The following RNF144B variants were observed in gnomAD, a reference collection of about 807,000 sequenced individuals.
RNF144B encodes the protein ring finger protein 144B.
A neutral mutation model predicts 40.2 loss-of-function variants in RNF144B; 25 were observed. The ratio of observed to expected loss-of-function variants is 0.62; its 90% confidence interval spans 0.45 to 0.87. The LOEUF is 0.87. RNF144B is among the 40% of genes least tolerant of loss of function. RNF144B has a pLI of 0.00. For synonymous variants in RNF144B, 145 were observed against 136.3 expected (o/e 1.06, Z -0.44); for missense variants, 365 against 373.7 (o/e 0.98, Z 0.19).
chr6:18,400,415 A>G lies in RNF144B; in HGVS notation c.165+716A>G, dbSNP rs769907980. Among the ~76,000 whole-genome samples the G allele has an allele frequency of 3.9e-5, 6 of 152,206 alleles. No homozygotes were observed. Among genetic ancestry groups the G allele is most frequent in the Non-Finnish European group, 4.4e-5 (3 of 68,030 alleles). ...TTCATATACTTGTTCATCTTCTACA[A>G]TGTACATGATATAAATTGTACTTTG... On this transcript the variant is annotated intron_variant, in intron 2 of 7. Coordinates refer to ENST00000259939, the MANE Select transcript of RNF144B (RefSeq NM_182757.4). This position sits in a 1 kb window ranked among gnomAD's most constrained non-coding sequence, Gnocchi z 5.6.
rs70974744 is a variant in RNF144B at position 18,446,840 on chromosome 6, G to GGTGTGT, written c.331+7125_331+7130dup. ...TAAAGTTTTATTGGTTCTATTTTAG[G>GGTGTGT]GTGTGTGTGTGTGTGTGTGTGTGTG... On this transcript the variant is annotated intron_variant, in intron 4 of 7. Coordinates refer to ENST00000259939, the MANE Select transcript of RNF144B (RefSeq NM_182757.4). The surrounding 1 kb of genome is among the most constrained non-coding windows in gnomAD (Gnocchi z 4.7). Among the ~76,000 whole-genome samples the GGTGTGT allele has an allele frequency of 0.022, 3,261 of 147,974 alleles. 98 individuals carry two copies. The highest frequency in any genetic ancestry group is 0.067 in the African/African-American group (2,682 of 39,986).
chr6:18,394,258 CTG>C (rs1275936249), intron 1 of RNF144B, among the ~76,000 whole-genome samples: 3 of 152,152 alleles, frequency 2.0e-5, no homozygotes, highest in Non-Finnish European at 4.4e-5. Flanking sequence ...AAGGGAATAA[CTG>C]TGTTGATTTT....
intron 1 of RNF144B, among the ~76,000 whole-genome samples, chr6:18,388,318 C>G (rs1181440579): frequency 6.6e-6 from 1 of 152,150 alleles, no homozygotes; most frequent in Non-Finnish European, 1.5e-5. Flanking sequence ...ACAGGACTAT[C>G]TCTGCTCTTC....
In RNF144B at chr6:18,464,017, C is replaced by T. The variant is rs909800947; in HGVS notation, c.771+637C>T. On this transcript the variant is annotated intron_variant, in intron 7 of 7. Transcript: ENST00000259939. The surrounding 1 kb of genome is among the most constrained non-coding windows in gnomAD (Gnocchi z 6.1). The stretch of plus-strand genomic sequence containing the variant: ...TCTCCACCTGGCCCTGTCCTTGACA[C>T]GTGGGGATTATTACAATTCAAGATG... 4.6e-5 allele frequency among the ~76,000 whole-genome samples: 7 copies of T among 152,108 alleles called. No homozygotes were observed. The highest frequency in any genetic ancestry group is 9.7e-5 in the African/African-American group (4 of 41,408).
chr6:18,463,958 C>T (rs893641639), intron 7 of RNF144B, among the ~76,000 whole-genome samples: 3 of 152,122 alleles, frequency 2.0e-5, no homozygotes, highest in Non-Finnish European at 4.4e-5. Context: ...ACCACAAGAA[C>T]GGTATGGGGG....
chr6:18,396,815 A>C, intron 1 of RNF144B: 1 of 985,376 alleles, frequency 1.0e-6, no homozygotes, highest in South Asian at 4.7e-5. Context: ...ACTGGGAGGA[A>C]GGAAAAGGTA....
chr6:18,391,720 T>C (rs1794584485), intron 1 of RNF144B, among the ~76,000 whole-genome samples: 1 of 145,808 alleles, frequency 6.9e-6, no homozygotes, highest in African/African-American at 2.6e-5. Context: ...ACAAAAAAAT[T>C]AGCCAAGCGT....
rs565435643 is a variant in RNF144B, at chr6:18,409,457, ATCTTACCT to A, written c.165+9763_165+9770del. On this transcript the variant is annotated intron_variant, in intron 2 of 7. Coordinates refer to ENST00000259939, the MANE Select transcript of RNF144B (RefSeq NM_182757.4). ...GATCTCTTTGAACATACTTTAACAT[ATCTTACCT>A]TCTTGCCATAGGTATATTAAGAAAT... Among the ~76,000 whole-genome samples, 30 of 149,094 alleles carry A rather than the reference ATCTTACCT, an allele frequency of 2.0e-4. No individual in the cohort carries two copies. In the South Asian group the frequency reaches 6.2e-3, roughly 31 times the overall value.
chr6:18,453,318 T>G (rs1017035120), intron 4 of RNF144B, among the ~76,000 whole-genome samples: 5 of 151,704 alleles, frequency 3.3e-5, no homozygotes, highest in African/African-American at 1.2e-4. Context: ...TTTGTATTTT[T>G]AGTAGAGATG....
intron 1 of RNF144B, among the ~76,000 whole-genome samples, chr6:18,392,565 C>T (rs183196154): frequency 6.6e-6 from 1 of 152,054 alleles, no homozygotes; most frequent in Admixed American, 6.5e-5. Context: ...GATCTCATTG[C>T]CATCCTAGAA....
In RNF144B at chr6:18,414,470, G is replaced by C. The variant is rs1795107107; in HGVS notation, c.166-13111G>C. Among the ~76,000 whole-genome samples the C allele has an allele frequency of 1.3e-5, 2 of 152,040 alleles. No homozygotes were observed. The highest frequency in any genetic ancestry group is 2.1e-4 in the South Asian group (1 of 4,828). On this transcript the variant is annotated intron_variant, in intron 2 of 7. Transcript: ENST00000259939. The surrounding 1 kb of genome is among the most constrained non-coding windows in gnomAD (Gnocchi z 4.9). Reference sequence around the variant, plus strand: ...GTTATATCCTGTAGGAAAAAATGTTGGTGATGAGTTAGCTTTATTCTGTCA... The same window carrying C: ...GTTATATCCTGTAGGAAAAAATGTTCGTGATGAGTTAGCTTTATTCTGTCA...
chr6:18,451,002 A>G (rs751470270), intron 4 of RNF144B, among the ~76,000 whole-genome samples: 1 of 152,198 alleles, frequency 6.6e-6, no homozygotes, highest in Admixed American at 6.5e-5. Flanking sequence ...GGGAAACTAC[A>G]TTTGGATATT....
At chr6:18,404,666 A>G (rs1312274955) in intron 2 of RNF144B, among the ~76,000 whole-genome samples, 1 of 152,162 alleles carries the variant, frequency 6.6e-6, no homozygotes, top group Non-Finnish European at 1.5e-5. Context: ...TGTGGCTTTG[A>G]AATATTTAAA....
intron 3 of RNF144B, among the ~76,000 whole-genome samples, chr6:18,429,924 G>C (rs574862633): frequency 6.6e-6 from 1 of 152,310 alleles, no homozygotes; most frequent in Non-Finnish European, 1.5e-5. Flanking sequence ...CCAGCAGAGA[G>C]ACAGTCAACT....
intron 4 of RNF144B, among the ~76,000 whole-genome samples, chr6:18,445,323 G>T (rs999976581): frequency 2.6e-5 from 4 of 152,176 alleles, no homozygotes; most frequent in Non-Finnish European, 5.9e-5. Context: ...AAAACCAAGG[G>T]TTTTAAATTG....
intron 2 of RNF144B, among the ~76,000 whole-genome samples, chr6:18,420,462 A>G (rs1294827202): frequency 6.6e-6 from 1 of 152,092 alleles, no homozygotes; most frequent in Admixed American, 6.5e-5. Flanking sequence ...CTAGATCTAG[A>G]AGGAGCTTCT....
At chr6:18,435,809 G>A (rs1035201432) in intron 3 of RNF144B, among the ~76,000 whole-genome samples, 15 of 150,156 alleles carry the variant, frequency 1.0e-4, no homozygotes, top group Admixed American at 6.7e-4. Context: ...ACTCATAGGT[G>A]GGAATTGAAC....
rs1794924386 is a variant in RNF144B, at chr6:18,406,989, G to A, written c.165+7290G>A. Among the ~76,000 whole-genome samples, 1 of 152,108 alleles carries A rather than the reference G, an allele frequency of 6.6e-6. No homozygotes were observed. The highest frequency in any genetic ancestry group is 2.1e-4 in the South Asian group (1 of 4,832). On this transcript the variant is annotated intron_variant, in intron 2 of 7. Transcript: ENST00000259939. The surrounding 1 kb of genome is among the most constrained non-coding windows in gnomAD (Gnocchi z 4.2). Reference sequence around the variant, plus strand: ...GAGCACCACACTTATCAAACAACCAGATCTCGTGAGAATTCACTATCATGG... The same window carrying A: ...GAGCACCACACTTATCAAACAACCAAATCTCGTGAGAATTCACTATCATGG...
At chr6:18,440,291 A>G (rs1758930863) in intron 4 of RNF144B, among the ~76,000 whole-genome samples, 1 of 152,146 alleles carries the variant, frequency 6.6e-6, no homozygotes, top group African/African-American at 2.4e-5. Flanking sequence ...CTATTTAGCT[A>G]TAAGAATTAT....
Sources: allele counts gnomAD v4.1 joint callset (sites outside exome capture counted in the v4.1 genomes callset), GRCh38; gene constraint gnomAD v4.1.1; non-coding constraint Gnocchi (gnomAD v3.1); transcripts MANE v1.5; gene names NCBI Gene and HGNC (gene_info 2026-07-23, HGNC 2026-07-21).